TESMIN: variants seen among roughly 807,000 people sequenced by gnomAD.
The protein encoded by TESMIN is CXC domain containing 2.
Under a neutral mutation model 47.4 loss-of-function variants are expected in TESMIN, and 34 were observed. The observed-to-expected ratio is 0.72, with a 90% confidence interval of 0.55 to 0.96. TESMIN has a LOEUF of 0.96. Among genes scored for constraint, TESMIN ranks in the 40% least tolerant of loss-of-function variants. TESMIN has a pLI of 0.00. For missense variants in TESMIN, 610 were observed against 637.2 expected (o/e 0.96, Z 0.46); for synonymous variants, 278 against 258.9 (o/e 1.07, Z -0.71).
Position 68,708,505 on chromosome 11 carries a change from C to T in TESMIN, c.1335-5G>A. The T allele has an allele frequency of 1.2e-6, 2 of 1,602,340 alleles. No homozygotes were observed. Among genetic ancestry groups the T allele is most frequent in the Non-Finnish European group, 1.7e-6 (2 of 1,174,900 alleles). ...GAGATGCATGAGGAAGGCCGCCTGT[C>T]AGAAACAGAGCAGTTAAAGGCCGCT... On this transcript the variant is annotated splice_polypyrimidine_tract_variant and splice_region_variant and intron_variant, in intron 9 of 9. Transcript: ENST00000255087.
Position 68,710,882 on chromosome 11 carries a change from A to T in TESMIN, c.1326T>A (p.Ser442Arg). 6.2e-7 allele frequency: 1 copy of T among 1,612,404 alleles called. No homozygotes were observed. ...TAGTTCAAAGTACCTACCTATCGTG[A>T]CTGAATCTTGGAAGTCCTGAAAATT... ...PTKFSGLPRFSHDRRPSSCIS... is the reference protein window; with the variant it reads ...PTKFSGLPRFRHDRRPSSCIS... The change falls in exon 9 of 10, where the codon AGT becomes AGA. Residue 442 changes from serine (S) to arginine (R), a missense_variant. By Grantham distance (110) the Ser-to-Arg change is moderately radical (BLOSUM62 -1). Transcript: ENST00000255087.
intron 6 of TESMIN, chr11:68,738,441 C>A: frequency 8.1e-7 from 1 of 1,234,586 alleles, no homozygotes; most frequent in South Asian, 1.9e-5. Flanking sequence ...CTCAGAAACA[C>A]CAACATAGGA....
chr11:68,724,709 A>T (rs1353142927), intron 6 of TESMIN, among the ~76,000 whole-genome samples: 2 of 152,200 alleles, frequency 1.3e-5, no homozygotes, highest in African/African-American at 4.8e-5. Context: ...ACAAAATGCA[A>T]GCCCTCCATT....
In TESMIN at chr11:68,750,505, C is replaced by T. The variant is rs776222698; in HGVS notation, c.156G>A (p.Ala52=). ...CCTTGGGGTCCGCCGGGCCCAGGTA[C>T]GCTTCTTTGAAGACGTGGAACTCGT... The part of the protein sequence containing the change: ...EEDEFHVFKE[A]YLGPADPKEP... The change falls in exon 2 of 10, where the codon GCG becomes GCA. Residue 52 remains alanine (A), a synonymous_variant. Transcript: ENST00000255087. 18 of 1,603,606 alleles carry T rather than the reference C, an allele frequency of 1.1e-5. No homozygotes were observed. The highest frequency in any genetic ancestry group is 2.2e-5 in the South Asian group (2 of 89,116).
At chr11:68,721,471 T>C (rs1946202979) in intron 6 of TESMIN, among the ~76,000 whole-genome samples, 1 of 152,162 alleles carries the variant, frequency 6.6e-6, no homozygotes, top group Non-Finnish European at 1.5e-5. Flanking sequence ...TGCCACATTT[T>C]CCATGGTTCC....
intron 6 of TESMIN, among the ~76,000 whole-genome samples, chr11:68,722,643 G>A (rs1946216106): frequency 6.6e-6 from 1 of 152,108 alleles, no homozygotes; most frequent in South Asian, 2.1e-4. Flanking sequence ...GAAAAATTCA[G>A]CTATATTTAA....
intron 7 of TESMIN, among the ~76,000 whole-genome samples, chr11:68,714,165 C>T (rs4073958): frequency 1.3e-5 from 2 of 152,114 alleles, no homozygotes; most frequent in Non-Finnish European, 2.9e-5. Context: ...GGCCTCCGTT[C>T]CGCTTCCTGG....
chr11:68,709,572 C>A (rs61887054), intron 9 of TESMIN, among the ~76,000 whole-genome samples: 380 of 152,138 alleles, frequency 2.5e-3, no homozygotes, highest in Non-Finnish European at 4.2e-3. Context: ...ACCCAGGTGG[C>A]GCTAAGTCGA....
At chr11:68,749,462 T>C (rs776808641) in intron 2 of TESMIN, among the ~76,000 whole-genome samples, 11 of 152,244 alleles carry the variant, frequency 7.2e-5, no homozygotes, top group Admixed American at 2.0e-4. Flanking sequence ...TTTTCTGAGC[T>C]GGGTCCTTTT....
chr11:68,729,231 G>A (rs1053029516), intron 6 of TESMIN, among the ~76,000 whole-genome samples: 1 of 152,194 alleles, frequency 6.6e-6, no homozygotes, highest in African/African-American at 2.4e-5. Flanking sequence ...GAGGTTAGAA[G>A]TTGATTCTAA....
At chr11:68,706,948 A>C (rs865878344), downstream of TESMIN, among the ~76,000 whole-genome samples, 17 of 152,166 alleles carry the variant, frequency 1.1e-4, no homozygotes, top group Admixed American at 6.5e-4. Context: ...CCAAGGGTGA[A>C]GGAGGCCAGG....
Position 68,707,749 on chromosome 11 carries a change from C to G in TESMIN, c.*559G>C. The G allele has an allele frequency of 2.2e-6, 1 of 446,142 alleles. No homozygotes were observed. Among genetic ancestry groups the G allele is most frequent in the Non-Finnish European group, 4.6e-6 (1 of 219,362 alleles). 27.6% of individuals were successfully genotyped at this position (446,142 alleles called of 1,614,324 possible). On this transcript the variant is annotated 3_prime_UTR_variant, in exon 10 of 10. Coordinates refer to ENST00000255087, the MANE Select transcript of TESMIN (RefSeq NM_004923.3). ...GGGGCCTTAGGAAAGACTGACAGTTCGCGTGCCTCTGGGGAAATATCTACG... is the reference window on the plus strand; with the variant it reads ...GGGGCCTTAGGAAAGACTGACAGTTGGCGTGCCTCTGGGGAAATATCTACG...
rs566704283 is a variant in TESMIN, at chr11:68,741,856, G to C, written c.828+462C>G. ...CTGGGGAGTTAGGGAAGGCTCTTCC[G>C]GGGAGGTGACACTTCATACCAAAAC... On this transcript the variant is annotated intron_variant, in intron 5 of 9. Coordinates refer to ENST00000255087, the MANE Select transcript of TESMIN (RefSeq NM_004923.3). Among the ~76,000 whole-genome samples the C allele has an allele frequency of 3.9e-5, 6 of 152,334 alleles. No homozygotes were observed. The East Asian group carries it at 9.6e-4, about 24-fold the overall frequency.
rs75436714 is a variant in TESMIN at position 68,742,007 on chromosome 11, G to A, written c.828+311C>T. On this transcript the variant is annotated intron_variant, in intron 5 of 9. Coordinates refer to ENST00000255087, the MANE Select transcript of TESMIN (RefSeq NM_004923.3). ...AGGAGGGTGAGGAGCGTTCTGGACCGAGGAGGTGGAATATGCTGTTGGTGG... is the reference window on the plus strand; with the variant it reads ...AGGAGGGTGAGGAGCGTTCTGGACCAAGGAGGTGGAATATGCTGTTGGTGG... Among the ~76,000 whole-genome samples the A allele has an allele frequency of 5.3e-5, 8 of 152,346 alleles. No homozygotes were observed. The East Asian group carries it at 1.5e-3, about 29-fold the overall frequency.
intron 7 of TESMIN, among the ~76,000 whole-genome samples, chr11:68,714,271 C>T (rs574524219): frequency 3.8e-4 from 58 of 152,346 alleles, no homozygotes; most frequent in South Asian, 1.7e-3. Context: ...GCCTGCGGTG[C>T]GCGGCTTTAG....
At chr11:68,730,847 A>G (rs1240504134) in intron 6 of TESMIN, among the ~76,000 whole-genome samples, 2 of 152,226 alleles carry the variant, frequency 1.3e-5, no homozygotes, top group Non-Finnish European at 2.9e-5. Flanking sequence ...CCAATAAAAT[A>G]GAAAGCATTT....
intron 7 of TESMIN, 130 bp from the exon 8 acceptor site, chr11:68,713,537 A>G: frequency 2.0e-6 from 2 of 995,518 alleles, no homozygotes; most frequent in Non-Finnish European, 3.0e-6. Flanking sequence ...GACATGGTTC[A>G]GAAGGTGCAG....
chr11:68,739,026 T>A (rs555622891), intron 5 of TESMIN, among the ~76,000 whole-genome samples: 30 of 152,288 alleles, frequency 2.0e-4, no homozygotes, highest in African/African-American at 7.2e-4. Context: ...TGTGCAAAGA[T>A]GCAGGGCTGG....
intron 8 of TESMIN, 26 bp downstream of exon 8, chr11:68,713,244 A>C: frequency 6.3e-7 from 1 of 1,583,362 alleles, no homozygotes; most frequent in Non-Finnish European, 8.6e-7. Flanking sequence ...GTTTTTTGTT[A>C]GTGAGTTAGG....
Sources: allele counts gnomAD v4.1 joint callset (sites outside exome capture counted in the v4.1 genomes callset), GRCh38; gene constraint gnomAD v4.1.1; transcripts MANE v1.5; gene names NCBI Gene and HGNC (gene_info 2026-07-23, HGNC 2026-07-21).